CLMN: variants seen among roughly 807,000 people sequenced by gnomAD.
The protein encoded by CLMN is calmin, also known as calmin (calponin-like, transmembrane).
A neutral mutation model predicts 92.7 loss-of-function variants in CLMN; 57 were observed. That is an observed-to-expected ratio of 0.61 (90% CI 0.50 to 0.77). CLMN has a LOEUF of 0.77. Ranked by LOEUF, CLMN falls within the 30% of genes least tolerant of loss-of-function variation. CLMN has a pLI of 0.00. For synonymous variants in CLMN, 466 were observed against 470.6 expected (o/e 0.99, Z 0.13); for missense variants, 1,158 against 1,237.5 (o/e 0.94, Z 0.96).
intron 1 of CLMN, among the ~76,000 whole-genome samples, chr14:95,265,185 G>GAGCCGAGACTGTGCCAC (rs1406232554): frequency 6.6e-6 from 1 of 151,862 alleles, no homozygotes; most frequent in East Asian, 1.9e-4. Context: ...AGGTTGCAGT[G>GAGCCGAGACTGTGCCAC]AGCCGAGACT....
chr14:95,250,662 A>C (rs1898744468), intron 1 of CLMN, among the ~76,000 whole-genome samples: 1 of 152,244 alleles, frequency 6.6e-6, no homozygotes, highest in Non-Finnish European at 1.5e-5. Context: ...ACAATTACAC[A>C]TCCTGAAGAG....
intron 1 of CLMN, among the ~76,000 whole-genome samples, chr14:95,292,097 G>A (rs1453735087): frequency 1.3e-5 from 2 of 152,182 alleles, no homozygotes; most frequent in African/African-American, 4.8e-5. Context: ...TTCACAGATA[G>A]GGGGACTGAG....
chr14:95,242,128 A>C (rs1465782095), intron 1 of CLMN, among the ~76,000 whole-genome samples: 1 of 150,438 alleles, frequency 6.6e-6, no homozygotes, highest in African/African-American at 2.5e-5. Flanking sequence ...TCCTGGGTGC[A>C]CATGATGGTC....
In CLMN at chr14:95,190,944, A is replaced by C. The variant is rs193035161; in HGVS notation, c.*620T>G. Reference sequence around the variant, plus strand: ...AAAAACAGGGTGAAAAAGAGCACACAGTGGCTCTCAACACAGCTTTCACCT... The same window carrying C: ...AAAAACAGGGTGAAAAAGAGCACACCGTGGCTCTCAACACAGCTTTCACCT... On this transcript the variant is annotated 3_prime_UTR_variant, in exon 13 of 13. Coordinates refer to ENST00000298912, the MANE Select transcript of CLMN (RefSeq NM_024734.4). 6.6e-6 allele frequency: 1 copy of C among 152,298 alleles called. No individual in the cohort carries two copies. The highest frequency in any genetic ancestry group is 1.5e-5 in the Non-Finnish European group (1 of 68,086). The allele number at this position is 152,298 out of a possible 1,614,324, so 9.4% of individuals were successfully genotyped here.
rs1566858925 is a variant in CLMN, at chr14:95,197,405, A to AAG, written c.2512-712_2512-711insCT. Among the ~76,000 whole-genome samples the AAG allele has an allele frequency of 1.5e-4, 23 of 151,926 alleles. 1 individual carries two copies. The highest frequency in any genetic ancestry group is 9.8e-4 in the Admixed American group (15 of 15,286). On this transcript the variant is annotated intron_variant, in intron 9 of 12. Coordinates refer to ENST00000298912, the MANE Select transcript of CLMN (RefSeq NM_024734.4). ...GATAGAGAGAGAAAGAAAAAAGAAA[A>AAG]AAAGAAAGAAAGAAAGAAAGAGGAG...
In CLMN at chr14:95,256,773, A is replaced by C. The variant is rs992698335; in HGVS notation, c.83-26640T>G. Among the ~76,000 whole-genome samples the C allele has an allele frequency of 6.6e-6, 1 of 152,224 alleles. No homozygotes were observed. Among genetic ancestry groups the C allele is most frequent in the Admixed American group, 6.5e-5 (1 of 15,286 alleles). On this transcript the variant is annotated intron_variant, in intron 1 of 12. Coordinates refer to ENST00000298912, the MANE Select transcript of CLMN (RefSeq NM_024734.4). The surrounding 1 kb of genome is among the most constrained non-coding windows in gnomAD (Gnocchi z 4.9). ...GCCCTGGTCCACATTGCACCGGGAA[A>C]ACAGACATGGGGAAACTGGGGATGG...
intron 1 of CLMN, among the ~76,000 whole-genome samples, chr14:95,270,370 C>A (rs530471391): frequency 7.2e-5 from 11 of 152,226 alleles, no homozygotes; most frequent in Non-Finnish European, 1.5e-4. Context: ...AGTTGTATAA[C>A]CATACCACAA....
At chr14:95,234,382 C>G (rs1047712911) in intron 1 of CLMN, among the ~76,000 whole-genome samples, 10 of 152,216 alleles carry the variant, frequency 6.6e-5, no homozygotes, top group African/African-American at 2.2e-4. Context: ...GCCCACCCCC[C>G]ATCCTGCAGA....
chr14:95,301,093 T>A (rs1901033831), intron 1 of CLMN, among the ~76,000 whole-genome samples: 1 of 152,248 alleles, frequency 6.6e-6, no homozygotes, highest in East Asian at 1.9e-4. Flanking sequence ...TTTGTTGGAT[T>A]CTTCCCACAA....
rs1898304703 is a variant in CLMN, at chr14:95,242,771, A to G, written c.83-12638T>C. Among the ~76,000 whole-genome samples the G allele has an allele frequency of 5.4e-5, 8 of 149,054 alleles. No individual in the cohort carries two copies. In the South Asian group the frequency reaches 1.7e-3, roughly 32 times the overall value. On this transcript the variant is annotated intron_variant, in intron 1 of 12. Transcript: ENST00000298912. The stretch of plus-strand genomic sequence containing the variant: ...TTTAGTAGAGACAGGGTTTCACTAT[A>G]TAGGCCAAGATGGTCTCGAACTCCA...
chr14:95,194,701 G>A lies in CLMN; in HGVS notation c.2709-105C>T. Reference sequence around the variant, plus strand: ...GGTTTCCACGTATGGGTTTAGGCAAGCGACAACTTCACAGCCAGGGACAGA... The same window carrying A: ...GGTTTCCACGTATGGGTTTAGGCAAACGACAACTTCACAGCCAGGGACAGA... On this transcript the variant is annotated intron_variant, in intron 10 of 12. Coordinates refer to ENST00000298912, the MANE Select transcript of CLMN (RefSeq NM_024734.4). This position sits in a 1 kb window ranked among gnomAD's most constrained non-coding sequence, Gnocchi z 4.0. 2 of 985,634 alleles carry A rather than the reference G, an allele frequency of 2.0e-6. No individual in the cohort carries two copies. The highest frequency in any genetic ancestry group is 3.2e-6 in the Non-Finnish European group (2 of 619,588). 61.1% of individuals were successfully genotyped at this position (985,634 alleles called of 1,614,324 possible).
At chr14:95,278,172 T>A (rs1218971463) in intron 1 of CLMN, among the ~76,000 whole-genome samples, 1 of 152,138 alleles carries the variant, frequency 6.6e-6, no homozygotes, top group African/African-American at 2.4e-5. Context: ...AGTCATAACC[T>A]TAGTTAAGGA....
chr14:95,294,032 G>A lies in CLMN; in HGVS notation c.82+25679C>T, dbSNP rs954698138. On this transcript the variant is annotated intron_variant, in intron 1 of 12. Coordinates refer to ENST00000298912, the MANE Select transcript of CLMN (RefSeq NM_024734.4). The surrounding 1 kb of genome is among the most constrained non-coding windows in gnomAD (Gnocchi z 4.2). Reference sequence around the variant, plus strand: ...GGGTGACACCAAAGAGGAGGAGGAGGAGGAGGAGGCCAGAAGTCTGGCTGG... The same window carrying A: ...GGGTGACACCAAAGAGGAGGAGGAGAAGGAGGAGGCCAGAAGTCTGGCTGG... Among the ~76,000 whole-genome samples, 19 of 152,132 alleles carry A rather than the reference G, an allele frequency of 1.2e-4. No individual in the cohort carries two copies. Among genetic ancestry groups the A allele is most frequent in the Non-Finnish European group, 2.8e-4 (19 of 68,026 alleles).
chr14:95,191,895 C>G lies in CLMN; in HGVS notation c.2841-163G>C. On this transcript the variant is annotated intron_variant, in intron 12 of 12. Coordinates refer to ENST00000298912, the MANE Select transcript of CLMN (RefSeq NM_024734.4). The surrounding 1 kb of genome is among the most constrained non-coding windows in gnomAD (Gnocchi z 5.3). ...AGGCCCCACACTGTGTGTACTGGCC[C>G]AAGGCAGTGCGTCGGGCCATCCAGG... is the stretch of plus-strand genomic sequence containing the variant. 1.7e-6 allele frequency: 1 copy of G among 589,318 alleles called. No homozygotes were observed. The highest frequency in any genetic ancestry group is 2.9e-6 in the Non-Finnish European group (1 of 349,038). 36.5% of individuals were successfully genotyped at this position (589,318 alleles called of 1,614,324 possible).
intron 1 of CLMN, among the ~76,000 whole-genome samples, chr14:95,234,458 C>G (rs1897987769): frequency 6.6e-6 from 1 of 152,240 alleles, no homozygotes; most frequent in South Asian, 2.1e-4. Flanking sequence ...TCCAACGGCC[C>G]CTTTTTTCCT....
intron 2 of CLMN, among the ~76,000 whole-genome samples, chr14:95,225,427 T>C (rs985633026): frequency 6.6e-6 from 1 of 152,228 alleles, no homozygotes; most frequent in Non-Finnish European, 1.5e-5. Flanking sequence ...AGGACTGGGC[T>C]GGAATGCAAT....
chr14:95,217,279 T>C (rs2140607627), intron 4 of CLMN, among the ~76,000 whole-genome samples: 1 of 152,324 alleles, frequency 6.6e-6, no homozygotes, highest in East Asian at 1.9e-4. Context: ...CCTCTATTTC[T>C]TTCCTCTCTC....
rs1194307286 is a variant in CLMN at position 95,190,333 on chromosome 14, T to A, written c.*1231A>T. ...GCAAGTCTGCCCCTGGTCGGCTATATGATCTTGGTCAAGCTGCTCTGTCTC... is the reference window on the plus strand; with the variant it reads ...GCAAGTCTGCCCCTGGTCGGCTATAAGATCTTGGTCAAGCTGCTCTGTCTC... On this transcript the variant is annotated 3_prime_UTR_variant, in exon 13 of 13. Coordinates refer to ENST00000298912, the MANE Select transcript of CLMN (RefSeq NM_024734.4). 6.6e-6 allele frequency: 1 copy of A among 152,278 alleles called. No homozygotes were observed. The highest frequency in any genetic ancestry group is 2.4e-5 in the African/African-American group (1 of 41,440). The allele number at this position is 152,278 out of a possible 1,614,324, so 9.4% of individuals were successfully genotyped here. A position where few individuals can be genotyped will look rare whatever the true frequency, so the allele number is the denominator to read the frequency against.
intron 1 of CLMN, among the ~76,000 whole-genome samples, chr14:95,319,303 T>TCACACACACA (rs60670197): frequency 4.3e-4 from 62 of 144,194 alleles, no homozygotes; most frequent in African/African-American, 8.1e-4. Flanking sequence ...GTGCGCGAAC[T>TCACACACACA]CACACACACA....
Sources: gnomAD v4.1 joint callset for allele counts (sites outside exome capture counted in the v4.1 genomes callset) on GRCh38, gnomAD v4.1.1 for gene constraint, Gnocchi (gnomAD v3.1) non-coding constraint, MANE v1.5 for transcripts, NCBI Gene and HGNC (gene_info 2026-07-23, HGNC 2026-07-21) for gene names.